MACROD2: variants seen among roughly 807,000 people sequenced by gnomAD.
MACROD2 encodes ADP-ribose glycohydrolase MACROD2.
MACROD2 carries 36 observed loss-of-function variants against 70.4 expected under a neutral mutation model. The observed-to-expected ratio is 0.51, with a 90% CI of 0.39 to 0.68. The LOEUF is 0.68. Ranked by LOEUF, MACROD2 falls within the 30% of genes least tolerant of loss-of-function variation. The pLI, the probability that MACROD2 is intolerant of heterozygous loss-of-function variation, is 0.00. For missense variants in MACROD2, 496 were observed against 538.4 expected (o/e 0.92, Z 0.78); for synonymous variants, 172 against 178.8 (o/e 0.96, Z 0.30).
chr20:14,819,519 C>A (rs2072815567), intron 5 of MACROD2, among the ~76,000 whole-genome samples: 1 of 151,914 alleles, frequency 6.6e-6, no homozygotes, highest in Non-Finnish European at 1.5e-5. Flanking sequence ...GACAGAGAAA[C>A]AAAACCTTCC....
At chr20:15,177,176 G>C (rs1247124233) in intron 5 of MACROD2, among the ~76,000 whole-genome samples, 2 of 152,170 alleles carry the variant, frequency 1.3e-5, no homozygotes, top group East Asian at 3.9e-4. Flanking sequence ...AGTGCAGCCT[G>C]CTGGGCCGAG....
At chr20:14,562,654 T>A (rs1446325792) in intron 4 of MACROD2, among the ~76,000 whole-genome samples, 1 of 151,844 alleles carries the variant, frequency 6.6e-6, no homozygotes, top group Non-Finnish European at 1.5e-5. Flanking sequence ...ATGTCCTTCT[T>A]ATGGAAATAA....
intron 6 of MACROD2, among the ~76,000 whole-genome samples, chr20:15,394,779 G>C (rs938167928): frequency 3.3e-5 from 5 of 152,204 alleles, no homozygotes; most frequent in African/African-American, 1.2e-4. Context: ...CTCAATTACA[G>C]GGTCAGCAGT....
chr20:14,430,931 C>T (rs371901763), intron 3 of MACROD2, among the ~76,000 whole-genome samples: 13 of 152,038 alleles, frequency 8.6e-5, no homozygotes, highest in African/African-American at 1.4e-4. Flanking sequence ...GCTTGGAAGC[C>T]GCATGATGGG....
intron 4 of MACROD2, among the ~76,000 whole-genome samples, chr20:14,537,324 T>A (rs758951540): frequency 2.0e-5 from 3 of 152,184 alleles, no homozygotes. Context: ...AGGATTTTAA[T>A]GAGCAGATTA....
intron 5 of MACROD2, among the ~76,000 whole-genome samples, chr20:15,012,009 A>G (rs536354806): frequency 6.6e-6 from 1 of 152,306 alleles, no homozygotes; most frequent in East Asian, 1.9e-4. Flanking sequence ...TGTTCCCTGT[A>G]GCCCATGCTA....
At chr20:14,036,193 C>T (rs376280711) in intron 2 of MACROD2, among the ~76,000 whole-genome samples, 32 of 151,918 alleles carry the variant, frequency 2.1e-4, no homozygotes, top group African/African-American at 6.5e-4. Context: ...GAATAAGACA[C>T]GATTTCTGCC....
At chr20:15,488,949 G>A (rs970831303) in intron 7 of MACROD2, among the ~76,000 whole-genome samples, 1 of 152,086 alleles carries the variant, frequency 6.6e-6, no homozygotes, top group African/African-American at 2.4e-5. Flanking sequence ...AATTCCTTAG[G>A]CAAAAGATGA....
chr20:14,593,371 A>C (rs2123383481), intron 4 of MACROD2, among the ~76,000 whole-genome samples: 1 of 152,324 alleles, frequency 6.6e-6, no homozygotes, highest in East Asian at 1.9e-4. Context: ...GTGTGAATTA[A>C]GAATAAAACA....
intron 8 of MACROD2, among the ~76,000 whole-genome samples, chr20:15,529,708 G>A (rs1006480262): frequency 1.9e-4 from 29 of 152,128 alleles, no homozygotes; most frequent in Admixed American, 1.8e-3. Flanking sequence ...CAAATCAAAT[G>A]AATCAGATGT....
intron 5 of MACROD2, among the ~76,000 whole-genome samples, chr20:14,820,357 C>CTTTTTTTTTTTTTTTTTTTTTTTT: frequency 8.6e-6 from 1 of 116,140 alleles, no homozygotes; most frequent in Non-Finnish European, 1.8e-5. Context: ...ATTTTTCTTC[C>CTTTTTTTTTTTTTTTTTTTTTTTT]TTTTTTTTTT....
intron 6 of MACROD2, among the ~76,000 whole-genome samples, chr20:15,422,293 C>T (rs1208122694): frequency 2.2e-4 from 33 of 152,124 alleles, no homozygotes; most frequent in Admixed American, 2.2e-3. Flanking sequence ...GTGATGGCCT[C>T]AAGGAGGGTG....
At chr20:15,437,317 A>T (rs1481981609) in intron 7 of MACROD2, among the ~76,000 whole-genome samples, 1 of 152,072 alleles carries the variant, frequency 6.6e-6, no homozygotes, top group Non-Finnish European at 1.5e-5. Flanking sequence ...ACATGATCTG[A>T]TGAATATAAG....
chr20:14,086,244 A>C, intron 3 of MACROD2: 2 of 365,246 alleles, frequency 5.5e-6, no homozygotes, highest in Non-Finnish European at 1.1e-5. Context: ...AGCATATTTT[A>C]ATTATTTTTA....
Position 14,862,678 on chromosome 20 carries a change from AATATATATATAAATATATAT to A in MACROD2, c.418+177721_418+177740del, listed in dbSNP as rs1568841665. 4.6e-4 allele frequency among the ~76,000 whole-genome samples: 29 copies of A among 63,340 alleles called. 3 individuals carry two copies. Among genetic ancestry groups the A allele is most frequent in the East Asian group, 1.3e-3 (4 of 3,134 alleles). The allele number at this position is 63,340 out of a possible 152,430, so 41.6% of individuals were successfully genotyped here. On this transcript the variant is annotated intron_variant, in intron 5 of 17. Coordinates refer to ENST00000684519, the MANE Select transcript of MACROD2 (RefSeq NM_001351661.2). ...ATAAATATATATATAAATATATATA[AATATATATATAAATATATAT>A]AAATATATATATATATATTTTTTTT...
intron 3 of MACROD2, among the ~76,000 whole-genome samples, chr20:14,177,818 G>A (rs934655696): frequency 6.6e-6 from 1 of 152,040 alleles, no homozygotes; most frequent in Non-Finnish European, 1.5e-5. Flanking sequence ...TTTGGAAAAA[G>A]ATATTTTATA....
intron 3 of MACROD2, among the ~76,000 whole-genome samples, chr20:14,428,840 A>G (rs1468404819): frequency 6.6e-6 from 1 of 152,128 alleles, no homozygotes; most frequent in Non-Finnish European, 1.5e-5. Context: ...GTGATTTTTT[A>G]TTGTATAGCC....
intron 6 of MACROD2, among the ~76,000 whole-genome samples, chr20:15,230,763 C>T (rs2076953065): frequency 6.6e-6 from 1 of 151,990 alleles, no homozygotes; most frequent in African/African-American, 2.4e-5. Flanking sequence ...TATTTACTCA[C>T]CTGCTTTTCT....
At chr20:14,363,282 G>A (rs1194883126) in intron 3 of MACROD2, among the ~76,000 whole-genome samples, 1 of 152,104 alleles carries the variant, frequency 6.6e-6, no homozygotes, top group African/African-American at 2.4e-5. Flanking sequence ...TCAACGGGGA[G>A]ATACTGTAAT....
Sources: allele counts gnomAD v4.1 joint callset (sites outside exome capture counted in the v4.1 genomes callset), GRCh38; gene constraint gnomAD v4.1.1; transcripts MANE v1.5; gene names NCBI Gene and HGNC (gene_info 2026-07-23, HGNC 2026-07-21).